HSF2BP: variants seen among roughly 807,000 people sequenced by gnomAD.
The protein encoded by HSF2BP is heat shock transcription factor 2 binding protein.
HSF2BP carries 35 observed loss-of-function variants against 35.0 expected under a neutral mutation model. The observed-to-expected ratio is 1.00, with a 90% CI of 0.76 to 1.32. The LOEUF is 1.32. Ranked by LOEUF, HSF2BP falls within the 40% of genes most tolerant of loss-of-function variation. The probability of loss-of-function intolerance (pLI) is 0.00; values close to 1 mark genes in which losing one functional copy is unlikely to be tolerated. For missense variants in HSF2BP, 326 were observed against 321.7 expected (o/e 1.01, Z -0.10); for synonymous variants, 114 against 117.4 (o/e 0.97, Z 0.18).
chr21:43,624,640 T>C (rs1216257148), intron 6 of HSF2BP, among the ~76,000 whole-genome samples: 2 of 152,190 alleles, frequency 1.3e-5, no homozygotes, highest in Non-Finnish European at 2.9e-5. Context: ...CTGGATCCAG[T>C]CCTGCCCCCA....
At position 43,597,102 on chromosome 21, in the gene HSF2BP, T is replaced by C. The variant is rs1482152636; in HGVS notation, c.693-4774A>G. 6.6e-6 allele frequency among the ~76,000 whole-genome samples: 1 copy of C among 151,992 alleles called. No individual in the cohort carries two copies. Among genetic ancestry groups the C allele is most frequent in the Non-Finnish European group, 1.5e-5 (1 of 68,000 alleles). ...GTTTCAGAACAAGGGAGCACTAAAA[T>C]GTGCATGAAAACCCTCCAAGGTCCT... On this transcript the variant is annotated intron_variant, in intron 7 of 8. Transcript: ENST00000291560. This position sits in a 1 kb window ranked among gnomAD's most constrained non-coding sequence, Gnocchi z 4.3.
chr21:43,596,305 A>G (rs2081986283), intron 7 of HSF2BP, among the ~76,000 whole-genome samples: 1 of 152,124 alleles, frequency 6.6e-6, no homozygotes, highest in African/African-American at 2.4e-5. Context: ...CTCTATAAGA[A>G]TAAGTCAAAG....
At chr21:43,650,212 TA>T (rs1473935727) in intron 3 of HSF2BP, among the ~76,000 whole-genome samples, 1 of 152,178 alleles carries the variant, frequency 6.6e-6, no homozygotes, top group African/African-American at 2.4e-5. Context: ...TACTATTATA[TA>T]ATTTTTTTTT....
chr21:43,644,020 T>C (rs1400278641), intron 4 of HSF2BP, among the ~76,000 whole-genome samples: 1 of 151,974 alleles, frequency 6.6e-6, no homozygotes, highest in Non-Finnish European at 1.5e-5. Context: ...CAACACAAAA[T>C]GAACTAAGAT....
chr21:43,629,983 T>A (rs978681009), intron 6 of HSF2BP, among the ~76,000 whole-genome samples: 1 of 152,222 alleles, frequency 6.6e-6, no homozygotes, highest in Non-Finnish European at 1.5e-5. Flanking sequence ...TTTAAGAAAT[T>A]GGCACAGCCA....
chr21:43,636,711 G>T lies in HSF2BP; in HGVS notation c.292-3290C>A, dbSNP rs182600943. 4.5e-3 allele frequency among the ~76,000 whole-genome samples: 682 copies of T among 152,134 alleles called. 8 individuals are homozygous for T. The highest frequency in any genetic ancestry group is 0.016 in the African/African-American group (644 of 41,508). On this transcript the variant is annotated intron_variant, in intron 4 of 8. Coordinates refer to ENST00000291560, the MANE Select transcript of HSF2BP (RefSeq NM_007031.2). ...GTTTAGGACCAGTCTGGCCAACATGGTGAAACCCTGTCTCTAATAAAAATA... is the reference window on the plus strand; with the variant it reads ...GTTTAGGACCAGTCTGGCCAACATGTTGAAACCCTGTCTCTAATAAAAATA...
intron 2 of HSF2BP, 73 bp downstream of exon 2, chr21:43,657,987 CG>C: frequency 6.5e-7 from 1 of 1,529,824 alleles, no homozygotes; most frequent in Non-Finnish European, 8.7e-7. Flanking sequence ...TCCGAGCGCA[CG>C]GGGCGAGGCC....
At position 43,655,939 on chromosome 21, in the gene HSF2BP, AG is replaced by A. The variant is rs1304637726; in HGVS notation, c.187+647del. 1.8e-4 allele frequency among the ~76,000 whole-genome samples: 27 copies of A among 152,320 alleles called. No homozygotes were observed. The South Asian group carries it at 3.3e-3, about 19-fold the overall frequency. On this transcript the variant is annotated intron_variant, in intron 3 of 8. Transcript: ENST00000291560. The stretch of plus-strand genomic sequence containing the variant: ...GGCCCCCTGGATGCACCTTTTCTAG[AG>A]GGCACACAGGGAGGGATAACAACCA...
chr21:43,621,388 G>C (rs753464765), intron 6 of HSF2BP, among the ~76,000 whole-genome samples: 3 of 152,086 alleles, frequency 2.0e-5, no homozygotes, highest in Admixed American at 6.6e-5. Flanking sequence ...TTAGCCAGGC[G>C]TGGTGGCACA....
At chr21:43,604,663 A>AT (rs2082103403) in intron 7 of HSF2BP, among the ~76,000 whole-genome samples, 1 of 136,272 alleles carries the variant, frequency 7.3e-6, no homozygotes. Context: ...CACACCACAC[A>AT]CACACACCAC....
chr21:43,585,610 C>T (rs2146747357), intron 8 of HSF2BP, among the ~76,000 whole-genome samples: 1 of 151,110 alleles, frequency 6.6e-6, no homozygotes, highest in East Asian at 2.0e-4. Flanking sequence ...TGTGCCACTG[C>T]ACTCCAGCCT....
intron 8 of HSF2BP, among the ~76,000 whole-genome samples, chr21:43,578,152 G>A (rs755078180): frequency 5.3e-5 from 8 of 152,152 alleles, no homozygotes; most frequent in Non-Finnish European, 8.8e-5. Flanking sequence ...AGGATGCCCT[G>A]CACTGACCAC....
Position 43,588,125 on chromosome 21 carries a change from C to T in HSF2BP, c.796+4100G>A, listed in dbSNP as rs561734739. 9.2e-5 allele frequency among the ~76,000 whole-genome samples: 14 copies of T among 152,298 alleles called. No individual in the cohort carries two copies. The South Asian group carries it at 1.7e-3, about 18-fold the overall frequency. Reference sequence around the variant, plus strand: ...CGGCACGGTGGCTCACGCCTGTAATCCCGGCACTCCGAGAGGCCGAGGCGG... The same window carrying T: ...CGGCACGGTGGCTCACGCCTGTAATTCCGGCACTCCGAGAGGCCGAGGCGG... On this transcript the variant is annotated intron_variant, in intron 8 of 8. Coordinates refer to ENST00000291560, the MANE Select transcript of HSF2BP (RefSeq NM_007031.2).
chr21:43,653,362 G>A (rs932470781), intron 3 of HSF2BP, among the ~76,000 whole-genome samples: 2 of 152,264 alleles, frequency 1.3e-5, no homozygotes, highest in East Asian at 3.9e-4. Flanking sequence ...GGGAGATAAT[G>A]ACAGACAAAA....
At chr21:43,635,308 T>C (rs901904519) in intron 4 of HSF2BP, among the ~76,000 whole-genome samples, 1 of 152,140 alleles carries the variant, frequency 6.6e-6, no homozygotes, top group Non-Finnish European at 1.5e-5. Context: ...TCAGCAGACT[T>C]CTGTACAAAG....
intron 6 of HSF2BP, among the ~76,000 whole-genome samples, chr21:43,615,704 C>G (rs1200413756): frequency 6.6e-6 from 1 of 152,050 alleles, no homozygotes; most frequent in Non-Finnish European, 1.5e-5. Context: ...GAATTTTAAC[C>G]TGATAGGTAC....
intron 8 of HSF2BP, among the ~76,000 whole-genome samples, chr21:43,589,500 T>C (rs148803875): frequency 1.3e-5 from 2 of 152,280 alleles, no homozygotes; most frequent in East Asian, 3.9e-4. Context: ...TGGTAGCAAG[T>C]GACGAGCTGA....
chr21:43,643,390 G>A (rs1267236192), intron 4 of HSF2BP, among the ~76,000 whole-genome samples: 2 of 152,098 alleles, frequency 1.3e-5, no homozygotes, highest in Non-Finnish European at 2.9e-5. Flanking sequence ...TCATGGGAGT[G>A]GATTCCTCAT....
chr21:43,593,983 C>A (rs534679534), intron 7 of HSF2BP, among the ~76,000 whole-genome samples: 73 of 152,242 alleles, frequency 4.8e-4, no homozygotes, highest in Admixed American at 2.2e-3. Flanking sequence ...TACAAATCTA[C>A]ACACATCACA....
Sources: gnomAD v4.1 joint callset for allele counts (sites outside exome capture counted in the v4.1 genomes callset) on GRCh38, gnomAD v4.1.1 for gene constraint, Gnocchi (gnomAD v3.1) non-coding constraint, MANE v1.5 for transcripts, NCBI Gene and HGNC (gene_info 2026-07-23, HGNC 2026-07-21) for gene names.